The following GLIS2 variants were observed in gnomAD, a reference collection of about 807,000 sequenced individuals.
The protein encoded by GLIS2 is GLIS family zinc finger 2.
Under a neutral mutation model 35.6 loss-of-function variants are expected in GLIS2, and 14 were observed. The ratio of observed to expected loss-of-function variants is 0.39; its 90% CI spans 0.26 to 0.61. The LOEUF is 0.61. GLIS2 is among the 20% of genes least tolerant of loss of function. The pLI is 0.48. For missense variants in GLIS2, 675 were observed against 713.4 expected (o/e 0.95, Z 0.61); for synonymous variants, 368 against 325.1 (o/e 1.13, Z -1.42).
chr16:4,331,139 G>C (rs929375745), intron 1 of GLIS2, among the ~76,000 whole-genome samples: 1 of 150,906 alleles, frequency 6.6e-6, no homozygotes, highest in African/African-American at 2.5e-5. Context: ...ACCACACCTG[G>C]CTAATTTTTT....
At chr16:4,331,969 T>C (rs1187453334) in intron 1 of GLIS2, among the ~76,000 whole-genome samples, 1 of 152,086 alleles carries the variant, frequency 6.6e-6, no homozygotes, top group Non-Finnish European at 1.5e-5. Context: ...TTCAGTTTCA[T>C]GGCAAAATGA....
rs1173473198 is a variant in GLIS2 at position 4,336,865 on chromosome 16, GACCCCAGCTC to G, written c.919_928del (p.Pro307CysfsTer214). 6.2e-7 allele frequency: 1 copy of G among 1,613,396 alleles called. No individual in the cohort carries two copies. Among genetic ancestry groups the G allele is most frequent in the South Asian group, 1.1e-5 (1 of 91,092 alleles). ...GCCCGGCTGCCACAAGCGCTACACG[GACCCCAGCTC>G]ACTGCGCAAGCACATCAAGGCCCAT... is the stretch of plus-strand genomic sequence containing the variant. On this transcript the variant is annotated frameshift_variant, in exon 7 of 7. Transcript: ENST00000433375. LOFTEE classifies it high-confidence loss of function.
Position 4,335,321 on chromosome 16 carries a change from C to T in GLIS2, c.703C>T (p.His235Tyr). 1 of 1,613,894 alleles carries T rather than the reference C, an allele frequency of 6.2e-7. No individual in the cohort carries two copies. The highest frequency in any genetic ancestry group is 8.5e-7 in the Non-Finnish European group (1 of 1,180,040). Residue 235 changes from histidine to tyrosine, a missense_variant, in exon 6 of 7, where the codon CAC becomes TAC. By Grantham distance (83) the His-to-Tyr change is moderately conservative (BLOSUM62 2). Transcript: ENST00000433375. The surrounding 1 kb of genome is among the most constrained non-coding windows in gnomAD (Gnocchi z 4.6). ...HIRTHTNEKPHRCPTCSKSFS... is the reference protein window; with the variant it reads ...HIRTHTNEKPYRCPTCSKSFS... ...CCGCACACACACCAACGAGAAGCCA[C>T]ACCGCTGTCCGACCTGCAGCAAGAG...
Position 4,336,899 on chromosome 16 carries a change from A to G in GLIS2, c.950A>G (p.His317Arg). ...PSSLRKHIKA[H>R]GHFVSHEQQE... ...TCACTGCGCAAGCACATCAAGGCCC[A>G]TGGCCACTTTGTGTCCCACGAGCAG... The change falls in exon 7 of 7, where the codon CAT (histidine) becomes CGT (arginine). Residue 317 changes from histidine to arginine, a missense_variant. By Grantham distance (29) the His-to-Arg change is conservative (BLOSUM62 0). Transcript: ENST00000433375. 1.9e-6 allele frequency: 3 copies of G among 1,613,204 alleles called. No individual in the cohort carries two copies. Among genetic ancestry groups the G allele is most frequent in the Non-Finnish European group, 2.5e-6 (3 of 1,180,014 alleles).
rs773752250 is a variant in GLIS2, at chr16:4,320,162, A to G, written c.-67+3908A>G. ...GAGTGTCACATGTGCGTGCACACGG[A>G]CTCCAGCCTTGGCAGATGGCTGCCG... is the stretch of plus-strand genomic sequence containing the variant. On this transcript the variant is annotated intron_variant, in intron 1 of 6. Coordinates refer to ENST00000433375, the MANE Select transcript of GLIS2 (RefSeq NM_032575.3). The surrounding 1 kb of genome is among the most constrained non-coding windows in gnomAD (Gnocchi z 5.6). 6.6e-6 allele frequency among the ~76,000 whole-genome samples: 1 copy of G among 151,726 alleles called. No homozygotes were observed. Among genetic ancestry groups the G allele is most frequent in the African/African-American group, 2.4e-5 (1 of 41,258 alleles).
At position 4,337,237 on chromosome 16, in the gene GLIS2, G is replaced by A. The variant is rs1226083275; in HGVS notation, c.1288G>A (p.Val430Met). 1.9e-6 allele frequency: 3 copies of A among 1,548,050 alleles called. No individual in the cohort carries two copies. Among genetic ancestry groups the A allele is most frequent in the Non-Finnish European group, 1.7e-6 (2 of 1,147,174 alleles). ...PFGAGGLGLPVVSLLAGAAGG... is the reference protein window; with the variant it reads ...PFGAGGLGLPMVSLLAGAAGG... ...TGGGGCTGGCGGACTGGGCTTGCCT[G>A]TGGTCTCCCTCCTTGCTGGCGCAGC... The change falls in exon 7 of 7, where the codon GTG becomes ATG. Residue 430 changes from valine to methionine, a missense_variant. Val to Met is a conservative substitution (Grantham distance 21). This residue lies in a region of GLIS2 where 317 missense variants were observed against 283.2 expected (regional missense o/e 1.12). Transcript: ENST00000433375.
In GLIS2 at chr16:4,332,478, G is replaced by A; in HGVS notation, c.172+26G>A. The stretch of plus-strand genomic sequence containing the variant: ...GTACTGGCCCTGGGCAGGGCAGGGG[G>A]ACTTAGCCCTGATCCAGTCATGGTG... On this transcript the variant is annotated intron_variant, in intron 2 of 6. Coordinates refer to ENST00000433375, the MANE Select transcript of GLIS2 (RefSeq NM_032575.3). This position sits in a 1 kb window ranked among gnomAD's most constrained non-coding sequence, Gnocchi z 5.4. The A allele has an allele frequency of 1.2e-6, 2 of 1,606,600 alleles. No individual in the cohort carries two copies. Among genetic ancestry groups the A allele is most frequent in the South Asian group, 1.1e-5 (1 of 90,684 alleles).
intron 1 of GLIS2, among the ~76,000 whole-genome samples, chr16:4,316,778 G>C (rs1338250851): frequency 6.6e-6 from 1 of 152,166 alleles, no homozygotes; most frequent in Non-Finnish European, 1.5e-5. Flanking sequence ...TCGGGAAGGG[G>C]CGTCCCTGGG....
At chr16:4,325,959 C>T (rs1379003121) in intron 1 of GLIS2, among the ~76,000 whole-genome samples, 1 of 123,236 alleles carries the variant, frequency 8.1e-6, no homozygotes, top group Non-Finnish European at 1.7e-5. Context: ...AAAAAAAAGG[C>T]CAGACTTGGT....
intron 1 of GLIS2, among the ~76,000 whole-genome samples, chr16:4,319,166 G>T (rs982922347): frequency 6.6e-6 from 1 of 152,134 alleles, no homozygotes; most frequent in Non-Finnish European, 1.5e-5. Flanking sequence ...TGGCTGCAGA[G>T]AAAAGTGTCC....
chr16:4,322,815 C>T (rs1330983801), intron 1 of GLIS2, among the ~76,000 whole-genome samples: 1 of 152,240 alleles, frequency 6.6e-6, no homozygotes, highest in East Asian at 1.9e-4. Flanking sequence ...CCCAGTGGAC[C>T]TGGTACCTGG....
At chr16:4,318,092 C>A (rs903846118) in intron 1 of GLIS2, among the ~76,000 whole-genome samples, 1 of 152,184 alleles carries the variant, frequency 6.6e-6, no homozygotes, top group African/African-American at 2.4e-5. Context: ...CCCTGGGAAG[C>A]CAGACAGTGA....
chr16:4,326,641 T>G (rs1180552808), intron 1 of GLIS2: 1 of 152,090 alleles, frequency 6.6e-6, no homozygotes, highest in African/African-American at 2.4e-5. Flanking sequence ...CAGGCCGGAG[T>G]GCAGTGGTGT....
chr16:4,315,097 G>T (rs1006636654), upstream of GLIS2: 18 of 152,362 alleles, frequency 1.2e-4, no homozygotes, highest in African/African-American at 4.3e-4. Context: ...GTCCAGGAGG[G>T]ATCTAGACCT....
intron 1 of GLIS2, among the ~76,000 whole-genome samples, chr16:4,319,230 G>A (rs965657139): frequency 6.6e-6 from 1 of 152,156 alleles, no homozygotes; most frequent in Non-Finnish European, 1.5e-5. Flanking sequence ...TTCACAGCAG[G>A]TGACTGAGAC....
chr16:4,333,472 C>T lies in GLIS2; in HGVS notation c.298C>T (p.Pro100Ser). 1 of 1,612,478 alleles carries T rather than the reference C, an allele frequency of 6.2e-7. No individual in the cohort carries two copies. The highest frequency in any genetic ancestry group is 8.5e-7 in the Non-Finnish European group (1 of 1,179,804). The part of the protein sequence containing the change: ...DSPNGSSSLS[P>S]ERQGNGDLPP... ...CCCCAATGGCAGCAGCTCGCTGTCC[C>T]CCGAGCGCCAGGGCAACGGGGACCT... is the stretch of plus-strand genomic sequence containing the variant. Residue 100 changes from proline (P) to serine (S), a missense_variant, in exon 3 of 7, where the codon CCC becomes TCC. This residue lies in a region of GLIS2 where 225 missense variants were observed against 238.7 expected (regional missense o/e 0.94). Transcript: ENST00000433375.
chr16:4,333,594 C>T, intron 3 of GLIS2, 75 bp downstream of exon 3: 1 of 1,454,366 alleles, frequency 6.9e-7, no homozygotes, highest in Non-Finnish European at 9.3e-7. Context: ...TACCCCAACA[C>T]TGAGTGGTTT....
chr16:4,331,785 G>T lies in GLIS2; in HGVS notation c.-66-430G>T, dbSNP rs113224557. ...GGAGAGACCCGATCTCTACAAAAAA[G>T]AAAATTTTTTTTTTTAATTAGCCAG... On this transcript the variant is annotated intron_variant, in intron 1 of 6. Coordinates refer to ENST00000433375, the MANE Select transcript of GLIS2 (RefSeq NM_032575.3). 8.1e-3 allele frequency: 1,653 copies of T among 204,256 alleles called. 33 individuals are homozygous for T. The highest frequency in any genetic ancestry group is 0.036 in the African/African-American group (1,540 of 43,308). 12.7% of individuals were successfully genotyped at this position (204,256 alleles called of 1,614,324 possible).
At chr16:4,333,940 C>T (rs1038801936) in intron 3 of GLIS2, among the ~76,000 whole-genome samples, 1 of 152,074 alleles carries the variant, frequency 6.6e-6, no homozygotes, top group Non-Finnish European at 1.5e-5. Context: ...TAGCAAGACC[C>T]CATCTCTATT....
Sources: gnomAD v4.1 joint callset for allele counts (sites outside exome capture counted in the v4.1 genomes callset) on GRCh38, gnomAD v4.1.1 for gene constraint, gnomAD v4.1.1 regional missense constraint, Gnocchi (gnomAD v3.1) non-coding constraint, MANE v1.5 for transcripts, NCBI Gene and HGNC (gene_info 2026-07-23, HGNC 2026-07-21) for gene names.